The following ENPP3 variants were observed in gnomAD, a reference collection of about 807,000 sequenced individuals.
ENPP3 encodes the protein ectonucleotide pyrophosphatase/phosphodiesterase 3, also known as ectonucleotide pyrophosphatase/phosphodiesterase family member 3.
A neutral mutation model predicts 117.8 loss-of-function variants in ENPP3; 104 were observed. The ratio of observed to expected loss-of-function variants is 0.88; its 90% CI spans 0.75 to 1.04. The LOEUF is 1.04. ENPP3 is among the 50% of genes least tolerant of loss of function. The probability of loss-of-function intolerance (pLI) is 0.00; values close to 1 mark genes in which losing one functional copy is unlikely to be tolerated. For synonymous variants in ENPP3, 380 were observed against 349.9 expected, an observed-to-expected ratio of 1.09 and a Z score of -0.96; for missense variants, 1,026 against 1,051.9, an observed-to-expected ratio of 0.98 and a Z score of 0.34.
intron 9 of ENPP3, 97 bp from the exon 10 acceptor site, chr6:131,676,639 G>T: frequency 1.3e-6 from 1 of 776,270 alleles, no homozygotes; most frequent in African/African-American, 1.7e-5. Flanking sequence ...AACACAAAAT[G>T]GGTAGCTGAA....
chr6:131,638,543 A>G, intron 1 of ENPP3: 1 of 421,862 alleles, frequency 2.4e-6, no homozygotes. Context: ...AGCTTGGACC[A>G]CAGGCACATG....
intron 11 of ENPP3, among the ~76,000 whole-genome samples, chr6:131,682,318 A>C (rs1313206514): frequency 1.3e-5 from 2 of 151,882 alleles, no homozygotes; most frequent in Non-Finnish European, 2.9e-5. Context: ...ACTTAATGAG[A>C]TCGAATCTCT....
intron 15 of ENPP3, among the ~76,000 whole-genome samples, chr6:131,694,962 G>A (rs1299062727): frequency 6.6e-6 from 1 of 151,578 alleles, no homozygotes; most frequent in Non-Finnish European, 1.5e-5. Context: ...ATTTGGCTAA[G>A]CCTATTCTGT....
intron 14 of ENPP3, among the ~76,000 whole-genome samples, chr6:131,688,992 G>A (rs866276416): frequency 6.6e-6 from 1 of 151,954 alleles, no homozygotes; most frequent in Non-Finnish European, 1.5e-5. Context: ...CTTGAACCCG[G>A]AAGGCGGAGG....
At chr6:131,687,489 C>T (rs1362467397) in intron 14 of ENPP3, among the ~76,000 whole-genome samples, 1 of 151,920 alleles carries the variant, frequency 6.6e-6, no homozygotes, top group Admixed American at 6.6e-5. Context: ...AAAGCAATTA[C>T]AACAAAACAA....
chr6:131,673,026 C>A (rs1463590847), intron 7 of ENPP3, among the ~76,000 whole-genome samples: 1 of 151,990 alleles, frequency 6.6e-6, no homozygotes, highest in Non-Finnish European at 1.5e-5. Flanking sequence ...AAATTCCTTG[C>A]TATTATTGAT....
intron 24 of ENPP3, among the ~76,000 whole-genome samples, chr6:131,745,892 G>A (rs1419000572): frequency 6.6e-6 from 1 of 152,136 alleles, no homozygotes; most frequent in Non-Finnish European, 1.5e-5. Flanking sequence ...GCCAAGGTGG[G>A]TGGATCACCC....
intron 18 of ENPP3, among the ~76,000 whole-genome samples, chr6:131,723,212 T>C (rs1236506073): frequency 2.6e-5 from 4 of 152,158 alleles, no homozygotes; most frequent in Non-Finnish European, 5.9e-5. Context: ...AATTTTTCCT[T>C]ATAGTCAGAA....
chr6:131,691,448 G>T (rs1002659388), intron 14 of ENPP3, among the ~76,000 whole-genome samples: 3 of 151,842 alleles, frequency 2.0e-5, no homozygotes, highest in African/African-American at 4.8e-5. Flanking sequence ...AATTAGCCGG[G>T]CATGGTGGTG....
chr6:131,681,186 A>T (rs1779016437), intron 11 of ENPP3, among the ~76,000 whole-genome samples: 1 of 152,192 alleles, frequency 6.6e-6, no homozygotes, highest in Admixed American at 6.5e-5. Context: ...GGAGTTGATG[A>T]TGGATTGAGC....
At chr6:131,739,151 A>G (rs1358361619) in intron 23 of ENPP3, among the ~76,000 whole-genome samples, 4 of 152,234 alleles carry the variant, frequency 2.6e-5, no homozygotes, top group Non-Finnish European at 4.4e-5. Flanking sequence ...AAATTCTGCA[A>G]CTAATAAGTG....
chr6:131,719,949 G>A (rs1272292270), intron 16 of ENPP3, among the ~76,000 whole-genome samples: 1 of 152,052 alleles, frequency 6.6e-6, no homozygotes, highest in African/African-American at 2.4e-5. Flanking sequence ...ATAATATGAT[G>A]TTATATGATT....
intron 19 of ENPP3, 121 bp from the exon 20 acceptor site, chr6:131,725,925 A>G (rs1464667040): frequency 5.5e-6 from 3 of 544,802 alleles, no homozygotes; most frequent in Non-Finnish European, 9.8e-6. Flanking sequence ...AATATTTGTT[A>G]GAGTACTTGT....
At chr6:131,661,124 A>G (rs984193375) in intron 6 of ENPP3, among the ~76,000 whole-genome samples, 4 of 152,182 alleles carry the variant, frequency 2.6e-5, no homozygotes, top group African/African-American at 7.2e-5. Context: ...AAATCTATTT[A>G]TCTTTTAAAG....
chr6:131,639,044 G>A (rs983756589), intron 1 of ENPP3, among the ~76,000 whole-genome samples: 27 of 151,608 alleles, frequency 1.8e-4, no homozygotes, highest in African/African-American at 5.8e-4. Context: ...CAATCTTGCC[G>A]CAGCTTTTCC....
intron 23 of ENPP3, among the ~76,000 whole-genome samples, chr6:131,739,022 A>G (rs1331790319): frequency 6.6e-6 from 1 of 152,176 alleles, no homozygotes; most frequent in African/African-American, 2.4e-5. Flanking sequence ...AGCATTTTCT[A>G]TATGCTAGGT....
At chr6:131,687,401 A>G (rs570307804) in intron 14 of ENPP3, among the ~76,000 whole-genome samples, 3 of 152,344 alleles carry the variant, frequency 2.0e-5, no homozygotes, top group Non-Finnish European at 2.9e-5. Context: ...ACCTCAAACT[A>G]TAAAAATCCT....
At chr6:131,660,046 C>G (rs1778465647) in intron 6 of ENPP3, among the ~76,000 whole-genome samples, 1 of 152,044 alleles carries the variant, frequency 6.6e-6, no homozygotes, top group South Asian at 2.1e-4. Flanking sequence ...ACATCTCAAT[C>G]CCCAAATGTG....
At chr6:131,656,814 A>G (rs1342523449) in intron 5 of ENPP3, among the ~76,000 whole-genome samples, 1 of 151,964 alleles carries the variant, frequency 6.6e-6, no homozygotes, top group East Asian at 1.9e-4. Context: ...TGTGATCTTT[A>G]TGAATTTATC....
Sources: gnomAD v4.1 joint callset for allele counts (sites outside exome capture counted in the v4.1 genomes callset) on GRCh38, gnomAD v4.1.1 for gene constraint, MANE v1.5 for transcripts, NCBI Gene and HGNC (gene_info 2026-07-23, HGNC 2026-07-21) for gene names.